TRPM3: variants seen among roughly 807,000 people sequenced by gnomAD.
The protein encoded by TRPM3 is long transient receptor potential channel 3.
Under a neutral mutation model 181.2 loss-of-function variants are expected in TRPM3, and 77 were observed. That is an observed-to-expected ratio of 0.42 (90% CI 0.35 to 0.51). The LOEUF (loss-of-function observed/expected upper bound fraction) is 0.51, where lower values mean the gene tolerates loss of function less well. Among genes scored for constraint, TRPM3 ranks in the 20% least tolerant of loss-of-function variants. The probability of loss-of-function intolerance (pLI) is 0.01; values close to 1 mark genes in which losing one functional copy is unlikely to be tolerated. For missense variants in TRPM3, 1,759 were observed against 2,196.7 expected (o/e 0.80, Z 3.98); for synonymous variants, 745 against 796.4 (o/e 0.94, Z 1.09).
intron 1 of TRPM3, among the ~76,000 whole-genome samples, chr9:71,086,904 G>C (rs1175438489): frequency 1.3e-5 from 2 of 151,886 alleles, no homozygotes; most frequent in Admixed American, 6.6e-5. Context: ...TTACACTCTC[G>C]GCACTTCACA....
At chr9:71,056,369 T>G (rs2133259129) in intron 1 of TRPM3, among the ~76,000 whole-genome samples, 1 of 152,154 alleles carries the variant, frequency 6.6e-6, no homozygotes, top group South Asian at 2.1e-4. Flanking sequence ...ACTCTGATCC[T>G]TAGAATACAC....
intron 1 of TRPM3, among the ~76,000 whole-genome samples, chr9:71,000,097 G>T (rs1241605983): frequency 6.6e-6 from 1 of 152,182 alleles, no homozygotes. Context: ...TTCTCTGAGG[G>T]AAGGGAAACC....
At chr9:71,126,197 C>T (rs188047164), upstream of TRPM3, among the ~76,000 whole-genome samples, 9 of 152,190 alleles carry the variant, frequency 5.9e-5, no homozygotes, top group Non-Finnish European at 1.2e-4. Context: ...TCACAACAGT[C>T]AGAATGACAA....
At chr9:71,343,789 T>C (rs999177534) in intron 1 of TRPM3, among the ~76,000 whole-genome samples, 1 of 152,020 alleles carries the variant, frequency 6.6e-6, no homozygotes, top group Non-Finnish European at 1.5e-5. Flanking sequence ...TTTGAAGAAA[T>C]TGATTATTCC....
chr9:70,700,014 G>A (rs531733140), intron 8 of TRPM3, among the ~76,000 whole-genome samples: 116 of 152,154 alleles, frequency 7.6e-4, no homozygotes, highest in Admixed American at 1.2e-3. Context: ...ACAGAGTCTC[G>A]CTGTGTTGCC....
At chr9:71,078,392 G>A (rs36114654) in intron 1 of TRPM3, among the ~76,000 whole-genome samples, 9,502 of 152,118 alleles carry the variant, frequency 0.062, 459 homozygotes, top group African/African-American at 0.12. Flanking sequence ...ACATAGTAAA[G>A]TTTCTAGAAA....
At chr9:71,407,642 G>A (rs1055265418) in intron 1 of TRPM3, among the ~76,000 whole-genome samples, 1 of 152,198 alleles carries the variant, frequency 6.6e-6, no homozygotes, top group African/African-American at 2.4e-5. Flanking sequence ...CTCCACCTCT[G>A]GGGGCAGGGC....
At chr9:71,232,117 G>A (rs992187603) in intron 1 of TRPM3, among the ~76,000 whole-genome samples, 1 of 152,120 alleles carries the variant, frequency 6.6e-6, no homozygotes, top group Non-Finnish European at 1.5e-5. Context: ...GCTTTGGAGA[G>A]CAGACTTTTA....
chr9:71,363,566 A>C (rs1245794731), intron 1 of TRPM3, among the ~76,000 whole-genome samples: 3 of 152,166 alleles, frequency 2.0e-5, no homozygotes, highest in Non-Finnish European at 2.9e-5. Flanking sequence ...TTCTGGCTCT[A>C]TCCACCTATA....
chr9:71,358,106 T>C (rs1367276802), intron 1 of TRPM3, among the ~76,000 whole-genome samples: 4 of 152,188 alleles, frequency 2.6e-5, no homozygotes, highest in South Asian at 2.1e-4. Context: ...CTGACTAGAA[T>C]ATGCCAGTCA....
intron 1 of TRPM3, among the ~76,000 whole-genome samples, chr9:70,872,841 A>G (rs537933190): frequency 7.9e-5 from 12 of 152,102 alleles, no homozygotes; most frequent in Middle Eastern, 3.4e-3. Flanking sequence ...TTGCACATTA[A>G]TTCTTCATTG....
chr9:70,627,062 G>C (rs929319374), intron 12 of TRPM3, among the ~76,000 whole-genome samples: 8 of 151,358 alleles, frequency 5.3e-5, no homozygotes, highest in African/African-American at 1.9e-4. Context: ...TTGGGTTTTT[G>C]AGTATTATGT....
chr9:70,921,455 G>A (rs2096652376), intron 1 of TRPM3, among the ~76,000 whole-genome samples: 1 of 152,192 alleles, frequency 6.6e-6, no homozygotes, highest in Admixed American at 6.5e-5. Context: ...AGTGCTATTA[G>A]CATTAGCCAG....
At chr9:70,823,494 G>T (rs1218893629) in intron 6 of TRPM3, among the ~76,000 whole-genome samples, 1 of 152,176 alleles carries the variant, frequency 6.6e-6, no homozygotes, top group Admixed American at 6.5e-5. Context: ...CTTCATTCAG[G>T]TTGTTGCATA....
chr9:70,538,455 G>T (rs1204534633), intron 25 of TRPM3, among the ~76,000 whole-genome samples: 1 of 151,600 alleles, frequency 6.6e-6, no homozygotes, highest in Non-Finnish European at 1.5e-5. Flanking sequence ...TTGAGACAAG[G>T]TCTCACTCTG....
At chr9:71,406,210 T>C (rs767085271) in intron 1 of TRPM3, among the ~76,000 whole-genome samples, 11 of 152,216 alleles carry the variant, frequency 7.2e-5, no homozygotes, top group Non-Finnish European at 1.6e-4. Context: ...AGTTGCACGA[T>C]GCCTATGCTA....
chr9:70,817,826 G>T (rs1317227690), intron 6 of TRPM3, among the ~76,000 whole-genome samples: 5 of 151,304 alleles, frequency 3.3e-5, no homozygotes, highest in Admixed American at 6.6e-5. Flanking sequence ...ATCATAATAA[G>T]AATAAAAATA....
At chr9:71,108,694 G>A in intron 1 of TRPM3, among the ~76,000 whole-genome samples, 1 of 152,186 alleles carries the variant, frequency 6.6e-6, no homozygotes, top group East Asian at 1.9e-4. Flanking sequence ...AAGAGAGGCA[G>A]AAATGAGAGA....
intron 1 of TRPM3, among the ~76,000 whole-genome samples, chr9:71,048,512 C>T (rs550750713): frequency 3.0e-4 from 45 of 152,294 alleles, no homozygotes; most frequent in Admixed American, 8.5e-4. Flanking sequence ...GGGTGGTATG[C>T]GCTTTCAGCA....
Sources: gnomAD v4.1 joint callset for allele counts (sites outside exome capture counted in the v4.1 genomes callset) on GRCh38, gnomAD v4.1.1 for gene constraint, MANE v1.5 for transcripts, NCBI Gene and HGNC (gene_info 2026-07-23, HGNC 2026-07-21) for gene names.